The following HELLS variants were observed in gnomAD, a reference collection of about 807,000 sequenced individuals.
HELLS encodes helicase, lymphoid specific.
Under a neutral mutation model 120.0 loss-of-function variants are expected in HELLS, and 32 were observed. The observed-to-expected ratio is 0.27, with a 90% CI of 0.20 to 0.36. HELLS has a LOEUF of 0.36. Ranked by LOEUF, HELLS falls within the 10% of genes least tolerant of loss-of-function variation. The pLI is 1.00. For missense variants in HELLS, 650 were observed against 993.4 expected (o/e 0.65, Z 4.65); for synonymous variants, 341 against 323.4 (o/e 1.05, Z -0.58).
At chr10:94,596,809 AT>A in intron 19 of HELLS, 50 bp from the exon 20 acceptor site, 1 of 924,760 alleles carries the variant, frequency 1.1e-6, no homozygotes, top group East Asian at 2.4e-5. Flanking sequence ...AATATGTTGT[AT>A]TGTAGTTTTA....
At chr10:94,577,925 C>T (rs1282063027) in intron 10 of HELLS, among the ~76,000 whole-genome samples, 9 of 152,054 alleles carry the variant, frequency 5.9e-5, no homozygotes, top group Non-Finnish European at 8.8e-5. Context: ...TAGCCGGGCG[C>T]GGTGGCGGGC....
chr10:94,566,424 C>A (rs185612299), intron 6 of HELLS, among the ~76,000 whole-genome samples: 4 of 152,076 alleles, frequency 2.6e-5, no homozygotes, highest in African/African-American at 9.6e-5. Flanking sequence ...CTGGCAGTTT[C>A]AAAAAACTTG....
chr10:94,598,983 T>G (rs1232177412), intron 21 of HELLS, among the ~76,000 whole-genome samples: 1 of 152,192 alleles, frequency 6.6e-6, no homozygotes, highest in African/African-American at 2.4e-5. Flanking sequence ...ATATAAGGAT[T>G]TATTTCTGTA....
At chr10:94,561,529 C>T (rs1843553240) in intron 4 of HELLS, among the ~76,000 whole-genome samples, 1 of 152,082 alleles carries the variant, frequency 6.6e-6, no homozygotes, top group Non-Finnish European at 1.5e-5. Flanking sequence ...CCAGTAGCAC[C>T]ATAGTAGCTC....
intron 11 of HELLS, among the ~76,000 whole-genome samples, chr10:94,582,466 C>T (rs1844919635): frequency 6.6e-6 from 1 of 152,098 alleles, no homozygotes; most frequent in Non-Finnish European, 1.5e-5. Flanking sequence ...TATTAATCTG[C>T]ATGCTCATAC....
chr10:94,546,279 C>G (rs1277826674), intron 1 of HELLS, 98 bp from the exon 2 acceptor site: 1 of 1,446,802 alleles, frequency 6.9e-7, no homozygotes, highest in Admixed American at 1.7e-5. Flanking sequence ...AGCTTTTGCT[C>G]CAGTGCATCT....
At chr10:94,571,712 C>T (rs780652756) in intron 7 of HELLS, among the ~76,000 whole-genome samples, 37 of 152,188 alleles carry the variant, frequency 2.4e-4, no homozygotes, top group South Asian at 2.1e-4. Flanking sequence ...GATACAAGTG[C>T]TCGTAACCAT....
chr10:94,589,940 G>A (rs1335768098), intron 13 of HELLS, among the ~76,000 whole-genome samples: 1 of 151,980 alleles, frequency 6.6e-6, no homozygotes, highest in Non-Finnish European at 1.5e-5. Context: ...GCCCGCCTCG[G>A]CCTCCGAAAG....
downstream of HELLS, among the ~76,000 whole-genome samples, chr10:94,604,706 C>CT (rs1846108484): frequency 1.3e-5 from 2 of 152,170 alleles, no homozygotes; most frequent in Admixed American, 1.3e-4. Context: ...TCAATAATTA[C>CT]TTTTATTATG....
Position 94,592,231 on chromosome 10 carries a change from C to T in HELLS, c.1770C>T (p.Ile590=), listed in dbSNP as rs147829794. 49 of 1,604,776 alleles carry T rather than the reference C, an allele frequency of 3.1e-5. No individual in the cohort carries two copies. Among genetic ancestry groups the T allele is most frequent in the East Asian group, 6.7e-5 (3 of 44,628 alleles). ...TTCTTCCTTTGCCCCTCCTTAAGAT[C>T]GATGAAGAATTGGTAACAAATTCTG... ...PIDPVTQEFK[I]DEELVTNSGK... Residue 590 remains isoleucine, a splice_region_variant and synonymous_variant, in exon 16 of 22, where the codon ATC becomes ATT. Coordinates refer to ENST00000348459, the MANE Select transcript of HELLS (RefSeq NM_018063.5).
chr10:94,558,947 T>C (rs1038344104), intron 4 of HELLS, among the ~76,000 whole-genome samples: 1 of 152,090 alleles, frequency 6.6e-6, no homozygotes, highest in African/African-American at 2.4e-5. Flanking sequence ...AGAGGTACTT[T>C]TTTCCCCCAT....
chr10:94,564,506 C>A (rs938391217), intron 6 of HELLS, among the ~76,000 whole-genome samples: 5 of 152,146 alleles, frequency 3.3e-5, no homozygotes, highest in Non-Finnish European at 7.3e-5. Flanking sequence ...TTTTCTAAAA[C>A]CAGCTTCTTT....
At chr10:94,556,074 G>A (rs144311037) in intron 3 of HELLS, among the ~76,000 whole-genome samples, 2 of 152,330 alleles carry the variant, frequency 1.3e-5, no homozygotes, top group East Asian at 1.9e-4. Flanking sequence ...GGCGACTTGG[G>A]CCTTGCGATT....
intron 6 of HELLS, among the ~76,000 whole-genome samples, chr10:94,566,780 C>T (rs1332323973): frequency 6.6e-6 from 1 of 151,658 alleles, no homozygotes; most frequent in African/African-American, 2.4e-5. Flanking sequence ...CTGAGTAGTC[C>T]AGCGCCTGGG....
chr10:94,559,794 A>G (rs1050788710), intron 4 of HELLS, among the ~76,000 whole-genome samples: 2 of 152,170 alleles, frequency 1.3e-5, no homozygotes, highest in Non-Finnish European at 2.9e-5. Context: ...GATATCTTTA[A>G]AAACAGAAAC....
At chr10:94,585,596 C>A (rs1223315371) in intron 12 of HELLS, among the ~76,000 whole-genome samples, 1 of 151,442 alleles carries the variant, frequency 6.6e-6, no homozygotes, top group Non-Finnish European at 1.5e-5. Context: ...GTTGGCCAGG[C>A]TGGTCTTAAA....
At chr10:94,584,112 A>G (rs1000339181) in intron 12 of HELLS, 11 of 1,363,614 alleles carry the variant, frequency 8.1e-6, no homozygotes, top group African/African-American at 7.4e-5. Context: ...CTCAAGCTTC[A>G]TACCAATTTT....
downstream of HELLS, among the ~76,000 whole-genome samples, chr10:94,604,213 C>T (rs532361929): frequency 2.0e-4 from 31 of 151,558 alleles, no homozygotes; most frequent in African/African-American, 7.3e-4. Context: ...CAACATCTGC[C>T]CCCCGGGTTT....
intron 3 of HELLS, among the ~76,000 whole-genome samples, chr10:94,556,542 A>G (rs1016995570): frequency 1.3e-5 from 2 of 152,210 alleles, no homozygotes; most frequent in Admixed American, 6.5e-5. Context: ...AGACATAACA[A>G]TCATGATAGT....
Sources: gnomAD v4.1 joint callset for allele counts (sites outside exome capture counted in the v4.1 genomes callset) on GRCh38, gnomAD v4.1.1 for gene constraint, MANE v1.5 for transcripts, NCBI Gene and HGNC (gene_info 2026-07-23, HGNC 2026-07-21) for gene names.